Variants in KLHL1 observed in about 807,000 individuals in gnomAD.
KLHL1 encodes the protein kelch like family member 1.
In KLHL1, 47 loss-of-function variants were observed where a neutral mutation model predicts 77.7. That is an observed-to-expected ratio of 0.60 (90% CI 0.48 to 0.77). The LOEUF (loss-of-function observed/expected upper bound fraction) is 0.77, where lower values mean the gene tolerates loss of function less well. KLHL1 is among the 30% of genes least tolerant of loss of function. The pLI, the probability that KLHL1 is intolerant of heterozygous loss-of-function variation, is 0.00. For synonymous variants in KLHL1, 360 were observed against 325.2 expected, an observed-to-expected ratio of 1.11 and a Z score of -1.15; for missense variants, 925 against 910.8, an observed-to-expected ratio of 1.02 and a Z score of -0.20.
intron 7 of KLHL1, among the ~76,000 whole-genome samples, chr13:69,756,391 T>C (rs2137957303): frequency 6.6e-6 from 1 of 152,328 alleles, no homozygotes; most frequent in East Asian, 1.9e-4. Flanking sequence ...AATATTTTAT[T>C]GATTCTTTAA....
intron 7 of KLHL1, among the ~76,000 whole-genome samples, chr13:69,772,311 AAAG>A (rs1305738743): frequency 6.6e-6 from 1 of 152,072 alleles, no homozygotes; most frequent in African/African-American, 2.4e-5. Flanking sequence ...ATAAAACCAA[AAAG>A]AAATTGTCCT....
chr13:69,947,695 T>C (rs1883575434), intron 3 of KLHL1, among the ~76,000 whole-genome samples: 1 of 152,160 alleles, frequency 6.6e-6, no homozygotes, highest in African/African-American at 2.4e-5. Context: ...ACTTGGACTA[T>C]ATCCAATGAA....
At chr13:69,812,108 G>A (rs1877907408) in intron 6 of KLHL1, among the ~76,000 whole-genome samples, 1 of 151,960 alleles carries the variant, frequency 6.6e-6, no homozygotes, top group Non-Finnish European at 1.5e-5. Flanking sequence ...TTGTGTCTTT[G>A]TTCTCGTTGG....
At chr13:70,107,115 A>G (rs1888079856) in intron 1 of KLHL1, 88 bp downstream of exon 1, 2 of 1,511,516 alleles carry the variant, frequency 1.3e-6, no homozygotes, top group East Asian at 2.3e-5. Flanking sequence ...AACCTGAAAC[A>G]TTTTAGACTT....
At chr13:69,839,278 A>G (rs1310159334) in intron 5 of KLHL1, 116 bp from the exon 6 acceptor site, 19 of 621,534 alleles carry the variant, frequency 3.1e-5, no homozygotes, top group African/African-American at 5.6e-5. Flanking sequence ...AGCAGGATGC[A>G]GGGTGTAGTA....
intron 4 of KLHL1, among the ~76,000 whole-genome samples, chr13:69,913,694 A>G (rs2138248817): frequency 6.6e-6 from 1 of 152,366 alleles, no homozygotes; most frequent in Non-Finnish European, 1.5e-5. Flanking sequence ...TTGCTTGTTC[A>G]ATGAAATTCA....
chr13:69,779,833 G>C (rs1876041569), intron 7 of KLHL1, among the ~76,000 whole-genome samples: 1 of 151,566 alleles, frequency 6.6e-6, no homozygotes, highest in Non-Finnish European at 1.5e-5. Context: ...TATTTTTTGA[G>C]ACGGAGTCTT....
intron 7 of KLHL1, among the ~76,000 whole-genome samples, chr13:69,795,997 C>T (rs985114831): frequency 4.6e-5 from 7 of 152,160 alleles, no homozygotes; most frequent in African/African-American, 1.4e-4. Context: ...AACTATTTTT[C>T]CCTCTGGGTT....
intron 9 of KLHL1, among the ~76,000 whole-genome samples, chr13:69,709,401 G>A (rs1218459696): frequency 6.6e-6 from 1 of 152,042 alleles, no homozygotes; most frequent in East Asian, 1.9e-4. Context: ...TAAAGTAACT[G>A]ACTGAATATT....
chr13:70,100,230 G>A (rs1301824408), intron 1 of KLHL1, among the ~76,000 whole-genome samples: 4 of 151,780 alleles, frequency 2.6e-5, no homozygotes, highest in African/African-American at 7.3e-5. Context: ...GTCTTTCAGT[G>A]TATGAGTCTT....
intron 1 of KLHL1, among the ~76,000 whole-genome samples, chr13:70,104,734 TA>T (rs1370657040): frequency 2.0e-5 from 3 of 152,150 alleles, no homozygotes; most frequent in African/African-American, 7.2e-5. Flanking sequence ...AGCATTCATA[TA>T]GTTTATGTAG....
intron 3 of KLHL1, among the ~76,000 whole-genome samples, chr13:69,942,358 A>G (rs540465025): frequency 4.6e-5 from 7 of 152,070 alleles, no homozygotes; most frequent in South Asian, 4.1e-4. Context: ...TCTAACTCTA[A>G]TTATGCTGTT....
At chr13:69,934,969 T>TATAC (rs994400933) in intron 4 of KLHL1, among the ~76,000 whole-genome samples, 6 of 48,574 alleles carry the variant, frequency 1.2e-4, no homozygotes, top group Admixed American at 2.0e-4. Context: ...TGTGTATATA[T>TATAC]ATATATATAT....
chr13:69,787,031 C>T (rs1407221212), intron 7 of KLHL1, among the ~76,000 whole-genome samples: 5 of 152,152 alleles, frequency 3.3e-5, no homozygotes, highest in Non-Finnish European at 7.3e-5. Context: ...AATGGAAGAA[C>T]ATTCCATGCT....
chr13:69,764,472 T>A (rs1337864682), intron 7 of KLHL1, among the ~76,000 whole-genome samples: 1 of 152,198 alleles, frequency 6.6e-6, no homozygotes, highest in Non-Finnish European at 1.5e-5. Context: ...TGATTTGTAC[T>A]CAGTAGAAGA....
At chr13:69,940,314 T>G in intron 3 of KLHL1, 78 bp from the exon 4 acceptor site, 1 of 1,039,590 alleles carries the variant, frequency 9.6e-7, no homozygotes, top group Non-Finnish European at 1.4e-6. Context: ...CACAAAACAT[T>G]AGGCCAATCT....
Position 70,105,237 on chromosome 13 carries a change from T to C in KLHL1, c.497+1966A>G, listed in dbSNP as rs73518774. Among the ~76,000 whole-genome samples the C allele has an allele frequency of 7.9e-3, 1,196 of 152,096 alleles. 17 individuals are homozygous for C. The highest frequency in any genetic ancestry group is 0.028 in the African/African-American group (1,148 of 41,560). Reference sequence around the variant, plus strand: ...TTGTGAATAAAAATAATAAACTATTTTCAAAAGTAAGAAACTTGTTAAGTC... The same window carrying C: ...TTGTGAATAAAAATAATAAACTATTCTCAAAAGTAAGAAACTTGTTAAGTC... On this transcript the variant is annotated intron_variant, in intron 1 of 10. Transcript: ENST00000377844.
At chr13:69,842,961 C>T (rs1879325113) in intron 5 of KLHL1, among the ~76,000 whole-genome samples, 1 of 151,660 alleles carries the variant, frequency 6.6e-6, no homozygotes, top group East Asian at 1.9e-4. Flanking sequence ...CACATGTTCT[C>T]ACTTTTATGT....
chr13:70,057,063 GAGAA>G (rs1365902149), intron 1 of KLHL1, among the ~76,000 whole-genome samples: 7 of 152,122 alleles, frequency 4.6e-5, no homozygotes, highest in East Asian at 1.9e-4. Flanking sequence ...TTAGCCATGT[GAGAA>G]AGACTCAAAT....
Sources: allele counts gnomAD v4.1 joint callset (sites outside exome capture counted in the v4.1 genomes callset), GRCh38; gene constraint gnomAD v4.1.1; transcripts MANE v1.5; gene names NCBI Gene and HGNC (gene_info 2026-07-23, HGNC 2026-07-21).